The following CEP104 variants were observed in gnomAD, a reference collection of about 807,000 sequenced individuals.
The protein encoded by CEP104 is centrosomal protein 104.
CEP104 carries 84 observed loss-of-function variants against 113.3 expected under a neutral mutation model. The ratio of observed to expected loss-of-function variants is 0.74; its 90% CI spans 0.62 to 0.89. The LOEUF (loss-of-function observed/expected upper bound fraction) is 0.89, where lower values mean the gene tolerates loss of function less well. Among genes scored for constraint, CEP104 ranks in the 40% least tolerant of loss-of-function variants. The pLI, the probability that CEP104 is intolerant of heterozygous loss-of-function variation, is 0.00. For synonymous variants in CEP104, 378 were observed against 421.7 expected, an observed-to-expected ratio of 0.90 and a Z score of 1.27; for missense variants, 1,053 against 1,156.6, an observed-to-expected ratio of 0.91 and a Z score of 1.30.
chr1:3,829,389 T>G lies in CEP104; in HGVS notation c.2044-16A>C, dbSNP rs761386725. ...TTCTCCGTGCCTGGTAAGAAAATTA[T>G]TTTTCCATTAGAACAGCTTGTTAGG... is the stretch of plus-strand genomic sequence containing the variant. On this transcript the variant is annotated splice_polypyrimidine_tract_variant and intron_variant, in intron 14 of 21. Transcript: ENST00000378230. 1.9e-6 allele frequency: 3 copies of G among 1,594,704 alleles called. No individual in the cohort carries two copies. The highest frequency in any genetic ancestry group is 2.6e-6 in the Non-Finnish European group (3 of 1,168,028).
intron 2 of CEP104, among the ~76,000 whole-genome samples, chr1:3,849,775 A>G (rs982299533): frequency 2.0e-5 from 3 of 152,088 alleles, no homozygotes; most frequent in African/African-American, 7.2e-5. Flanking sequence ...ATTATCATTC[A>G]TGGCGAGATT....
intron 6 of CEP104, among the ~76,000 whole-genome samples, chr1:3,843,632 G>T (rs181641684): frequency 6.6e-6 from 1 of 151,692 alleles, no homozygotes; most frequent in East Asian, 1.9e-4. Context: ...GATTACAGGC[G>T]TTAGCCACCA....
intron 1 of CEP104, 98 bp from the exon 2 acceptor site, chr1:3,852,519 A>C: frequency 9.3e-7 from 1 of 1,075,176 alleles, no homozygotes; most frequent in Non-Finnish European, 1.3e-6. Flanking sequence ...CACACACAAT[A>C]ATGCACTAAG....
At chr1:3,818,182 A>T (rs956074122) in intron 20 of CEP104, among the ~76,000 whole-genome samples, 5 of 152,130 alleles carry the variant, frequency 3.3e-5, no homozygotes, top group African/African-American at 1.2e-4. Context: ...TTTCTTCCCC[A>T]GCGCCTGGTT....
intron 6 of CEP104, among the ~76,000 whole-genome samples, chr1:3,841,139 C>G (rs554195880): frequency 6.6e-6 from 1 of 152,204 alleles, no homozygotes; most frequent in Non-Finnish European, 1.5e-5. Flanking sequence ...CCCCATTAAA[C>G]AAGCCAGCTG....
In CEP104 at chr1:3,823,381, C is replaced by A. The variant is rs760161385; in HGVS notation, c.2503+43G>T. On this transcript the variant is annotated intron_variant, in intron 19 of 21. Coordinates refer to ENST00000378230, the MANE Select transcript of CEP104 (RefSeq NM_014704.4). This position sits in a 1 kb window ranked among gnomAD's most constrained non-coding sequence, Gnocchi z 4.1. ...CAGTGGCACTTCCTCCAAGAGGACC[C>A]CTGGTGACCCGAGGGCACGGGAGCC... The A allele has an allele frequency of 1.1e-5, 18 of 1,613,930 alleles. No individual in the cohort carries two copies.
At chr1:3,841,996 A>G (rs79093774) in intron 6 of CEP104, among the ~76,000 whole-genome samples, 1,852 of 152,268 alleles carry the variant, frequency 0.012, 13 homozygotes, top group Middle Eastern at 0.037. Context: ...GCTTCCATCC[A>G]ATTGCCAGCT....
rs994102506 is a variant in CEP104 at position 3,844,916 on chromosome 1, G to A, written c.557C>T (p.Thr186Met). ...HNSEDPALEG[T>M]YARKSDYISP... ...GGAGCAGGACTCTTACCTGGCGTAC[G>A]TTCCTTCTAGAGCAGGGTCCTCGCT... Residue 186 changes from threonine (T) to methionine (M), a missense_variant, in exon 6 of 22, where the codon ACG becomes ATG. Physicochemically the swap from Thr to Met is moderately conservative, Grantham distance 81. Coordinates refer to ENST00000378230, the MANE Select transcript of CEP104 (RefSeq NM_014704.4). 1 of 1,613,602 alleles carries A rather than the reference G, an allele frequency of 6.2e-7. No individual in the cohort carries two copies. Among genetic ancestry groups the A allele is most frequent in the East Asian group, 2.2e-5 (1 of 44,872 alleles).
intron 4 of CEP104, among the ~76,000 whole-genome samples, chr1:3,846,810 G>C (rs1644516864): frequency 6.6e-6 from 1 of 152,136 alleles, no homozygotes; most frequent in African/African-American, 2.4e-5. Context: ...AGTTGTAAAT[G>C]CTTGTGCTAA....
rs1644630032 is a variant in CEP104, at chr1:3,852,400, T to C, written c.8A>G (p.His3Arg). Residue 3 changes from histidine (H) to arginine (R), a missense_variant, in exon 2 of 22, where the codon CAC (histidine) becomes CGC (arginine). Coordinates refer to ENST00000378230, the MANE Select transcript of CEP104 (RefSeq NM_014704.4). Reference protein sequence around the residue: MPHKIGFVVVSSS... With the variant: MPRKIGFVVVSSS... Reference sequence around the variant, plus strand: ...GCTGACGACTACAAATCCAATCTTGTGGGGCATTCTGCACGTTTGGGCTGT... The same window carrying C: ...GCTGACGACTACAAATCCAATCTTGCGGGGCATTCTGCACGTTTGGGCTGT... The C allele has an allele frequency of 1.2e-6, 2 of 1,613,804 alleles. No individual in the cohort carries two copies. The highest frequency in any genetic ancestry group is 8.5e-7 in the Non-Finnish European group (1 of 1,179,882).
rs778447306 is a variant in CEP104 at position 3,823,761 on chromosome 1, C to T, written c.2365-199G>A. On this transcript the variant is annotated intron_variant, in intron 18 of 21. Transcript: ENST00000378230. The surrounding 1 kb of genome is among the most constrained non-coding windows in gnomAD (Gnocchi z 4.1). ...TTGTGATACTTTGCTGAAGACCCCA[C>T]GTCCTTCCTTTCCTGTCATCTTAGC... 7.9e-5 allele frequency among the ~76,000 whole-genome samples: 12 copies of T among 152,230 alleles called. No individual in the cohort carries two copies. Among genetic ancestry groups the T allele is most frequent in the Non-Finnish European group, 1.8e-4 (12 of 68,052 alleles).
intron 20 of CEP104, among the ~76,000 whole-genome samples, chr1:3,817,504 G>C (rs72640906): frequency 1.7e-3 from 258 of 152,254 alleles, no homozygotes; most frequent in Non-Finnish European, 3.3e-3. Context: ...CAAGATACTA[G>C]AGCGCTTGCA....
In CEP104 at chr1:3,812,823, G is replaced by C. The variant is rs991318676; in HGVS notation, c.*2579C>G. 2.0e-5 allele frequency: 3 copies of C among 152,048 alleles called. No homozygotes were observed. The highest frequency in any genetic ancestry group is 4.4e-5 in the Non-Finnish European group (3 of 68,024). The allele number at this position is 152,048 out of a possible 1,614,324, so 9.4% of individuals were successfully genotyped here. A position where few individuals can be genotyped will look rare whatever the true frequency, so the allele number is the denominator to read the frequency against. The stretch of plus-strand genomic sequence containing the variant: ...CCACTGCACTCCAGCCTAGGCAACA[G>C]AGCAAGACTCCGTCTCAAACCCCAC... On this transcript the variant is annotated 3_prime_UTR_variant, in exon 22 of 22. Transcript: ENST00000378230.
intron 15 of CEP104, among the ~76,000 whole-genome samples, chr1:3,827,650 A>T (rs971904613): frequency 2.0e-5 from 3 of 152,250 alleles, no homozygotes. Context: ...TGAAAATGGT[A>T]AGATTTACAC....
At chr1:3,843,655 A>G (rs1248472376) in intron 6 of CEP104, among the ~76,000 whole-genome samples, 3 of 151,888 alleles carry the variant, frequency 2.0e-5, no homozygotes, top group Non-Finnish European at 4.4e-5. Flanking sequence ...CCCAGCCTAC[A>G]ATTGTTAACA....
Position 3,823,625 on chromosome 1 carries a change from C to T in CEP104, c.2365-63G>A, listed in dbSNP as rs1419073098. The T allele has an allele frequency of 6.2e-7, 1 of 1,607,208 alleles. No homozygotes were observed. The highest frequency in any genetic ancestry group is 8.5e-7 in the Non-Finnish European group (1 of 1,176,252). On this transcript the variant is annotated intron_variant, in intron 18 of 21. Coordinates refer to ENST00000378230, the MANE Select transcript of CEP104 (RefSeq NM_014704.4). The surrounding 1 kb of genome is among the most constrained non-coding windows in gnomAD (Gnocchi z 4.1). ...AAAGCGGCAGCGCCCTCCAGCCAGC[C>T]TGCAGAGCCTGTGAGCGCCTCCCCT... is the stretch of plus-strand genomic sequence containing the variant.
intron 8 of CEP104, among the ~76,000 whole-genome samples, chr1:3,838,713 A>G (rs995302023): frequency 6.6e-5 from 10 of 152,220 alleles, no homozygotes; most frequent in Non-Finnish European, 1.5e-5. Flanking sequence ...GCAGCAGAAA[A>G]GCAGCAGGGC....
rs574180728 is a variant in CEP104, at chr1:3,839,264, C to T, written c.736-145G>A. On this transcript the variant is annotated intron_variant, in intron 7 of 21. Transcript: ENST00000378230. Reference sequence around the variant, plus strand: ...AATGGAAGGAATGGGCCACACTCAGCAAAGGTCTGGCTGCTGTTGCTGTAT... The same window carrying T: ...AATGGAAGGAATGGGCCACACTCAGTAAAGGTCTGGCTGCTGTTGCTGTAT... The T allele has an allele frequency of 1.1e-4, 81 of 742,384 alleles. 1 individual carries two copies. In the South Asian group the frequency reaches 1.4e-3, roughly 12 times the overall value. The allele number at this position is 742,384 out of a possible 1,614,324, so 46.0% of individuals were successfully genotyped here.
intron 5 of CEP104, 86 bp from the exon 6 acceptor site, chr1:3,845,069 G>T: frequency 8.1e-7 from 1 of 1,227,992 alleles, no homozygotes; most frequent in Non-Finnish European, 1.2e-6. Context: ...TTCATATAAA[G>T]CTGTCAGCAA....
Sources: allele counts gnomAD v4.1 joint callset (sites outside exome capture counted in the v4.1 genomes callset), GRCh38; gene constraint gnomAD v4.1.1; non-coding constraint Gnocchi (gnomAD v3.1); transcripts MANE v1.5; gene names NCBI Gene and HGNC (gene_info 2026-07-23, HGNC 2026-07-21).